Variants in TACC1 observed in about 807,000 individuals in gnomAD.
TACC1 encodes the protein transforming acidic coiled-coil containing protein 1, also known as transforming acidic coiled-coil-containing protein 1.
TACC1 carries 48 observed loss-of-function variants against 84.4 expected under a neutral mutation model. The observed-to-expected ratio is 0.57, with a 90% CI of 0.45 to 0.72. The LOEUF (loss-of-function observed/expected upper bound fraction) is 0.72, where lower values mean the gene tolerates loss of function less well. Among genes scored for constraint, TACC1 ranks in the 30% least tolerant of loss-of-function variants. The pLI is 0.00. For synonymous variants in TACC1, 372 were observed against 376.3 expected, an observed-to-expected ratio of 0.99 and a Z score of 0.13; for missense variants, 920 against 973.0, an observed-to-expected ratio of 0.95 and a Z score of 0.72.
chr8:38,757,251 A>G, intron 3 of TACC1: 1 of 347,720 alleles, frequency 2.9e-6, no homozygotes, highest in Non-Finnish European at 3.4e-6. Context: ...CTCCCGCCCC[A>G]CCGCCTCCCC....
chr8:38,811,146 T>C (rs970493398), intron 2 of TACC1, among the ~76,000 whole-genome samples: 1 of 151,832 alleles, frequency 6.6e-6, no homozygotes, highest in East Asian at 1.9e-4. Flanking sequence ...ACAATGTATT[T>C]AAGCTATGTT....
At chr8:38,845,610 G>A (rs577000575) in intron 11 of TACC1, among the ~76,000 whole-genome samples, 1 of 152,188 alleles carries the variant, frequency 6.6e-6, no homozygotes, top group South Asian at 2.1e-4. Flanking sequence ...TTTATTGATG[G>A]GCACTTAGTT....
At chr8:38,785,635 T>C (rs1436587222), upstream of TACC1, 1 of 940,812 alleles carries the variant, frequency 1.1e-6, no homozygotes, top group Non-Finnish European at 1.3e-6. Context: ...GGTCCTAGTG[T>C]ATGCTAGTTA....
In TACC1 at chr8:38,852,789, C is replaced by CG; in HGVS notation, c.*4769dup. ...CACATCTGCTTCCACTGTGTTCCCACGGGTGCCATGAAGTGTGTGAGGAGC... is the reference window on the plus strand; with the variant it reads ...CACATCTGCTTCCACTGTGTTCCCACGGGGTGCCATGAAGTGTGTGAGGAGC... On this transcript the variant is annotated 3_prime_UTR_variant, in exon 13 of 13. Transcript: ENST00000317827. The CG allele has an allele frequency of 6.5e-6, 1 of 152,734 alleles. No homozygotes were observed. The highest frequency in any genetic ancestry group is 2.4e-5 in the African/African-American group (1 of 41,552). 9.5% of individuals were successfully genotyped at this position (152,734 alleles called of 1,614,324 possible). A position where few individuals can be genotyped will look rare whatever the true frequency, so the allele number is the denominator to read the frequency against.
chr8:38,739,146 C>T (rs1188547892), intron 1 of TACC1, among the ~76,000 whole-genome samples: 2 of 152,212 alleles, frequency 1.3e-5, no homozygotes, highest in African/African-American at 4.8e-5. Context: ...GCCTTATGCT[C>T]CTGAAGTGCA....
At position 38,837,213 on chromosome 8, in the gene TACC1, G is replaced by A. The variant is rs1193877097; in HGVS notation, c.1839+926G>A. Among the ~76,000 whole-genome samples the A allele has an allele frequency of 3.4e-5, 5 of 147,414 alleles. No homozygotes were observed. In the South Asian group the frequency reaches 6.4e-4, roughly 19 times the overall value. On this transcript the variant is annotated intron_variant, in intron 7 of 12. Transcript: ENST00000317827. ...GCGGATCACCTGAGTTCAGGAATTC[G>A]AGACCAGACTGACCAACGTGGAGAA... is the stretch of plus-strand genomic sequence containing the variant.
intron 11 of TACC1, among the ~76,000 whole-genome samples, chr8:38,845,167 C>T (rs1057087464): frequency 1.4e-4 from 21 of 152,286 alleles, no homozygotes; most frequent in African/African-American, 3.4e-4. Flanking sequence ...TCAAGTGATC[C>T]GCCCGCCTCG....
intron 3 of TACC1, among the ~76,000 whole-genome samples, chr8:38,748,943 T>G (rs1365291623): frequency 6.6e-6 from 1 of 150,822 alleles, no homozygotes; most frequent in Non-Finnish European, 1.5e-5. Context: ...ATAAAGATAA[T>G]GACAGACATC....
chr8:38,793,293 C>A (rs570327352), intron 2 of TACC1, among the ~76,000 whole-genome samples: 134 of 152,270 alleles, frequency 8.8e-4, no homozygotes, highest in Middle Eastern at 3.4e-3. Flanking sequence ...TTTGTTGACA[C>A]AATTTTGGTA....
At chr8:38,777,662 G>A (rs1339449440) in intron 3 of TACC1, among the ~76,000 whole-genome samples, 2 of 152,196 alleles carry the variant, frequency 1.3e-5, no homozygotes, top group African/African-American at 4.8e-5. Flanking sequence ...GGACATGGTG[G>A]TGTGCACCTG....
upstream of TACC1, among the ~76,000 whole-genome samples, chr8:38,783,066 ATATCTATCTATC>A (rs58057050): frequency 0.022 from 2,919 of 135,350 alleles, 115 homozygotes; most frequent in East Asian, 0.18. Flanking sequence ...TGTAGTGTAA[ATATCTATCTATC>A]TATCTATCTA....
Position 38,811,528 on chromosome 8 carries a change from A to G in TACC1, c.278-7994A>G, listed in dbSNP as rs542841043. ...ATATTTATCAGTTCCCAAAATTAAT[A>G]CTTTTATAATTTCTTATGCCTGTCT... On this transcript the variant is annotated intron_variant, in intron 2 of 12. Coordinates refer to ENST00000317827, the MANE Select transcript of TACC1 (RefSeq NM_006283.3). Among the ~76,000 whole-genome samples the G allele has an allele frequency of 1.0e-3, 156 of 152,294 alleles. 1 individual carries two copies. The highest frequency in any genetic ancestry group is 2.0e-3 in the Non-Finnish European group (138 of 68,026).
At chr8:38,755,753 A>AC (rs1554496269) in intron 3 of TACC1, among the ~76,000 whole-genome samples, 2,433 of 82,770 alleles carry the variant, frequency 0.029, 70 homozygotes, top group African/African-American at 0.12. Flanking sequence ...CAACAACAAC[A>AC]GAGTGTTCCT....
chr8:38,731,285 T>C (rs1023474036), intron 1 of TACC1, among the ~76,000 whole-genome samples: 3 of 152,058 alleles, frequency 2.0e-5, no homozygotes, highest in Non-Finnish European at 4.4e-5. Context: ...GTAGCCAGAG[T>C]GCCTGGGTTC....
intron 11 of TACC1, 149 bp from the exon 12 acceptor site, chr8:38,846,550 G>T: frequency 1.2e-6 from 1 of 826,384 alleles, no homozygotes; most frequent in South Asian, 2.6e-5. Context: ...AATTATTTAG[G>T]TCACCGATTT....
At chr8:38,825,456 A>G (rs1021885631) in intron 4 of TACC1, 88 bp downstream of exon 4, 1 of 1,402,134 alleles carries the variant, frequency 7.1e-7, no homozygotes, top group African/African-American at 1.4e-5. Flanking sequence ...GTTCAAAAGG[A>G]CTTTCCAATG....
upstream of TACC1, among the ~76,000 whole-genome samples, chr8:38,783,088 ATC>A (rs1563440729): frequency 6.5e-4 from 71 of 109,792 alleles, 2 homozygotes; most frequent in African/African-American, 1.7e-3. Flanking sequence ...CTATCTATCT[ATC>A]TATCTATCTA....
chr8:38,833,366 T>C (rs6988201), intron 6 of TACC1, among the ~76,000 whole-genome samples: 4,011 of 152,294 alleles, frequency 0.026, 174 homozygotes, highest in African/African-American at 0.084. Context: ...GATAAGCAAC[T>C]TAAAGGACTA....
chr8:38,745,470 G>A (rs1212724754), exon 3 of TACC1: 1 of 688,930 alleles, frequency 1.5e-6, no homozygotes, highest in East Asian at 2.7e-5. Flanking sequence ...ACCTGGAGAT[G>A]AATAATATAT....
Sources: allele counts gnomAD v4.1 joint callset (sites outside exome capture counted in the v4.1 genomes callset), GRCh38; gene constraint gnomAD v4.1.1; transcripts MANE v1.5; gene names NCBI Gene and HGNC (gene_info 2026-07-23, HGNC 2026-07-21).